SMARCAD1: variants seen among roughly 807,000 people sequenced by gnomAD.
SMARCAD1 encodes the protein SWI/SNF-related matrix-associated actin-dependent regulator of chromatin subfamily A containing DEAD/H box 1.
SMARCAD1 carries 25 observed loss-of-function variants against 127.1 expected under a neutral mutation model. The observed-to-expected ratio is 0.20, with a 90% confidence interval of 0.14 to 0.27. SMARCAD1 has a LOEUF of 0.27. Among genes scored for constraint, SMARCAD1 ranks in the 10% least tolerant of loss-of-function variants. The pLI, the probability that SMARCAD1 is intolerant of heterozygous loss-of-function variation, is 1.00. For synonymous variants in SMARCAD1, 400 were observed against 396.9 expected (o/e 1.01, Z -0.09); for missense variants, 807 against 1,206.0 (o/e 0.67, Z 4.90).
intron 2 of SMARCAD1, among the ~76,000 whole-genome samples, chr4:94,221,401 ACT>A (rs1744108640): frequency 6.6e-6 from 1 of 152,150 alleles, no homozygotes; most frequent in South Asian, 2.1e-4. Flanking sequence ...ATTGCAAATA[ACT>A]CTAAGAAATT....
At chr4:94,256,177 C>T (rs542179693) in intron 9 of SMARCAD1, among the ~76,000 whole-genome samples, 2 of 152,176 alleles carry the variant, frequency 1.3e-5, no homozygotes, top group Admixed American at 6.5e-5. Flanking sequence ...CTGACCAATG[C>T]GACATGCATC....
chr4:94,273,904 C>T (rs1333528480), intron 12 of SMARCAD1, among the ~76,000 whole-genome samples, 188 bp downstream of exon 12: 1 of 152,082 alleles, frequency 6.6e-6, no homozygotes, highest in African/African-American at 2.4e-5. Flanking sequence ...TATTGGCAGT[C>T]TTTTAAAAAG....
At chr4:94,282,676 G>A (rs1043019391) in intron 21 of SMARCAD1, among the ~76,000 whole-genome samples, 2 of 150,872 alleles carry the variant, frequency 1.3e-5, no homozygotes, top group Non-Finnish European at 2.9e-5. Context: ...TTTCCCACCC[G>A]CATTAGACTA....
chr4:94,240,021 TTAA>T (rs777457998), intron 5 of SMARCAD1, among the ~76,000 whole-genome samples: 2 of 152,242 alleles, frequency 1.3e-5, no homozygotes, highest in Non-Finnish European at 2.9e-5. Flanking sequence ...CTTTAAAATG[TTAA>T]TAACATTCCA....
intron 3 of SMARCAD1, among the ~76,000 whole-genome samples, chr4:94,231,260 G>T (rs534523191): frequency 2.0e-5 from 3 of 152,148 alleles, no homozygotes; most frequent in Non-Finnish European, 4.4e-5. Flanking sequence ...GCACATTGCC[G>T]ATTGGGGAGG....
At chr4:94,286,551 A>G (rs1259708125) in intron 23 of SMARCAD1, among the ~76,000 whole-genome samples, 2 of 151,994 alleles carry the variant, frequency 1.3e-5, no homozygotes, top group African/African-American at 4.8e-5. Context: ...CCATTCTTTC[A>G]TCGTTTTCTT....
chr4:94,273,831 T>A, intron 12 of SMARCAD1, 115 bp downstream of exon 12: 1 of 773,462 alleles, frequency 1.3e-6, no homozygotes, highest in East Asian at 2.7e-5. Context: ...TTTGTAGAGA[T>A]GAATATTAAT....
chr4:94,245,633 A>G (rs761646211), intron 6 of SMARCAD1, among the ~76,000 whole-genome samples: 1 of 152,342 alleles, frequency 6.6e-6, no homozygotes. Context: ...TTGCCACTTT[A>G]CAATAACTCG....
intron 2 of SMARCAD1, among the ~76,000 whole-genome samples, chr4:94,218,745 A>G (rs1348234117): frequency 1.3e-5 from 2 of 152,132 alleles, no homozygotes; most frequent in African/African-American, 2.4e-5. Context: ...TTTTATTAAG[A>G]TGCTAAAGGT....
intron 9 of SMARCAD1, among the ~76,000 whole-genome samples, chr4:94,260,151 T>G (rs1429880402): frequency 6.6e-6 from 1 of 152,146 alleles, no homozygotes; most frequent in Non-Finnish European, 1.5e-5. Flanking sequence ...CATGTTCCAC[T>G]GGACTAGTAC....
chr4:94,270,854 A>G (rs762011436), intron 11 of SMARCAD1, 36 bp downstream of exon 11: 1 of 1,584,246 alleles, frequency 6.3e-7, no homozygotes, highest in Non-Finnish European at 8.7e-7. Context: ...TGTTGTTGAA[A>G]GTGTCATTAA....
chr4:94,239,386 A>G (rs557062163), intron 5 of SMARCAD1, among the ~76,000 whole-genome samples: 7 of 152,132 alleles, frequency 4.6e-5, no homozygotes, highest in Admixed American at 1.3e-4. Flanking sequence ...AACAGACAGT[A>G]TCATCCTGCG....
chr4:94,223,685 C>T (rs2125826675), intron 2 of SMARCAD1, among the ~76,000 whole-genome samples: 1 of 150,572 alleles, frequency 6.6e-6, no homozygotes, highest in South Asian at 2.1e-4. Flanking sequence ...TCTCCTGCCT[C>T]ACCTCCCCAG....
At chr4:94,234,266 A>T in intron 4 of SMARCAD1, 144 bp downstream of exon 4, 1 of 771,450 alleles carries the variant, frequency 1.3e-6, no homozygotes, top group Non-Finnish European at 2.1e-6. Flanking sequence ...AGTAAATGCC[A>T]GACATTTATT....
intron 9 of SMARCAD1, chr4:94,253,378 G>A: frequency 7.8e-7 from 1 of 1,275,802 alleles, no homozygotes; most frequent in South Asian, 1.3e-5. Context: ...CAGAAAGCAA[G>A]AATGTGGCAG....
intron 4 of SMARCAD1, 115 bp from the exon 5 acceptor site, chr4:94,236,835 GAC>G: frequency 1.2e-6 from 1 of 820,328 alleles, no homozygotes; most frequent in Non-Finnish European, 2.0e-6. Flanking sequence ...CTTAAACTAT[GAC>G]ACACATACTT....
In SMARCAD1 at chr4:94,226,348, G is replaced by GA. The variant is rs747659327; in HGVS notation, c.368+59dup. On this transcript the variant is annotated intron_variant, in intron 3 of 23. Transcript: ENST00000354268. Reference sequence around the variant, plus strand: ...TTTGCATGTGTGTGAGATTTTCCAAGAAAAAAACCTACCTAATTTGAGATA... The same window carrying GA: ...TTTGCATGTGTGTGAGATTTTCCAAGAAAAAAAACCTACCTAATTTGAGATA... The GA allele has an allele frequency of 8.4e-6, 11 of 1,308,284 alleles. No homozygotes were observed. The African/African-American group carries it at 9.3e-5, about 11-fold the overall frequency. The allele number at this position is 1,308,284 out of a possible 1,614,324, so 81.0% of individuals were successfully genotyped here. A position where few individuals can be genotyped will look rare whatever the true frequency, so the allele number is the denominator to read the frequency against.
intron 3 of SMARCAD1, among the ~76,000 whole-genome samples, chr4:94,228,665 T>G (rs1322217680): frequency 6.6e-6 from 1 of 152,016 alleles, no homozygotes; most frequent in African/African-American, 2.4e-5. Flanking sequence ...CTAAGCAATG[T>G]GCTCAGTAAC....
chr4:94,235,417 C>G (rs996514997), intron 4 of SMARCAD1, among the ~76,000 whole-genome samples: 3 of 151,802 alleles, frequency 2.0e-5, no homozygotes, highest in Admixed American at 6.6e-5. Flanking sequence ...ACATGCTATT[C>G]AAGCCAAACA....
Sources: allele counts gnomAD v4.1 joint callset (sites outside exome capture counted in the v4.1 genomes callset), GRCh38; gene constraint gnomAD v4.1.1; transcripts MANE v1.5; gene names NCBI Gene and HGNC (gene_info 2026-07-23, HGNC 2026-07-21).